The following STK32B variants were observed in gnomAD, a reference collection of about 807,000 sequenced individuals.
STK32B encodes serine/threonine-protein kinase 32B.
In STK32B, 43 loss-of-function variants were observed where a neutral mutation model predicts 52.6. The ratio of observed to expected loss-of-function variants is 0.82; its 90% confidence interval spans 0.64 to 1.05. The LOEUF is 1.05. STK32B is among the 50% of genes least tolerant of loss of function. STK32B has a pLI of 0.00. For missense variants in STK32B, 621 were observed against 534.6 expected, an observed-to-expected ratio of 1.16 and a Z score of -1.59; for synonymous variants, 238 against 204.3, an observed-to-expected ratio of 1.17 and a Z score of -1.41.
intron 3 of STK32B, among the ~76,000 whole-genome samples, chr4:5,174,390 C>G (rs1719650332): frequency 6.6e-6 from 1 of 152,152 alleles, no homozygotes; most frequent in Non-Finnish European, 1.5e-5. Flanking sequence ...CAGTTTCTTC[C>G]TAGCCTCGAT....
intron 4 of STK32B, among the ~76,000 whole-genome samples, chr4:5,375,374 A>G (rs1283828569): frequency 2.0e-5 from 3 of 152,032 alleles, no homozygotes; most frequent in African/African-American, 7.3e-5. Context: ...CCAAACTCCA[A>G]TAATTTGGAT....
chr4:5,077,282 A>T (rs950207844), intron 1 of STK32B, among the ~76,000 whole-genome samples: 2 of 152,150 alleles, frequency 1.3e-5, no homozygotes, highest in African/African-American at 4.8e-5. Flanking sequence ...CAGAAATATT[A>T]TCCCACTACC....
chr4:5,376,619 A>C (rs1332847742), intron 4 of STK32B, among the ~76,000 whole-genome samples: 1 of 152,108 alleles, frequency 6.6e-6, no homozygotes, highest in Non-Finnish European at 1.5e-5. Flanking sequence ...AAACTGTCAG[A>C]AATAGGGTGA....
intron 3 of STK32B, among the ~76,000 whole-genome samples, chr4:5,208,872 G>GA (rs1018870349): frequency 4.7e-4 from 72 of 152,354 alleles, no homozygotes; most frequent in Middle Eastern, 3.4e-3. Flanking sequence ...TCAGATAAAT[G>GA]ATCACGATGC....
chr4:5,161,637 G>A (rs1242847286), intron 2 of STK32B, among the ~76,000 whole-genome samples: 1 of 152,184 alleles, frequency 6.6e-6, no homozygotes, highest in Non-Finnish European at 1.5e-5. Flanking sequence ...GTTGCTGGCT[G>A]TAAGTGTGTA....
At chr4:5,081,296 C>G (rs1218201784) in intron 1 of STK32B, among the ~76,000 whole-genome samples, 1 of 152,048 alleles carries the variant, frequency 6.6e-6, no homozygotes, top group Non-Finnish European at 1.5e-5. Context: ...TCAAAATTAT[C>G]TCTTTGTCTT....
intron 1 of STK32B, among the ~76,000 whole-genome samples, chr4:5,089,690 A>G (rs1712947670): frequency 6.6e-6 from 1 of 152,142 alleles, no homozygotes; most frequent in East Asian, 1.9e-4. Flanking sequence ...TTATAGTACA[A>G]TGATTTATAT....
At chr4:5,081,322 T>C (rs1712414053) in intron 1 of STK32B, among the ~76,000 whole-genome samples, 1 of 152,204 alleles carries the variant, frequency 6.6e-6, no homozygotes. Flanking sequence ...TTTAATAGTT[T>C]GATTGCAATG....
chr4:5,468,069 A>AAG lies in STK32B; in HGVS notation c.1106_1106+1dup. The AAG allele has an allele frequency of 6.2e-7, 1 of 1,614,052 alleles. No individual in the cohort carries two copies. The highest frequency in any genetic ancestry group is 2.2e-5 in the East Asian group (1 of 44,870). On this transcript the variant is annotated frameshift_variant and splice_region_variant, in exon 11 of 12. Coordinates refer to ENST00000282908, the MANE Select transcript of STK32B (RefSeq NM_018401.3). LOFTEE classifies it low-confidence loss of function (END_TRUNC). ...GGAATTCATCATATTCAACAGAGAGAAGTAAGTCCTTCATACTGTCCCCCT... is the reference window on the plus strand; with the variant it reads ...GGAATTCATCATATTCAACAGAGAGAAGAGTAAGTCCTTCATACTGTCCCCCT...
chr4:5,331,640 C>T (rs1732258650), intron 4 of STK32B, among the ~76,000 whole-genome samples: 1 of 152,178 alleles, frequency 6.6e-6, no homozygotes, highest in African/African-American at 2.4e-5. Context: ...CTTATCTTCT[C>T]TGCTCCAGTA....
intron 3 of STK32B, among the ~76,000 whole-genome samples, chr4:5,202,613 C>T (rs1420121512): frequency 6.6e-6 from 1 of 152,232 alleles, no homozygotes; most frequent in Non-Finnish European, 1.5e-5. Context: ...TCTTTCTGGA[C>T]ACCCAGGCAT....
intron 1 of STK32B, among the ~76,000 whole-genome samples, chr4:5,106,069 G>A (rs1577072055): frequency 6.6e-6 from 1 of 151,700 alleles, no homozygotes; most frequent in African/African-American, 2.4e-5. Context: ...TTGGGAGGCC[G>A]AGGCGGGGGG....
At chr4:5,093,921 C>T (rs548243191) in intron 1 of STK32B, among the ~76,000 whole-genome samples, 13 of 152,256 alleles carry the variant, frequency 8.5e-5, no homozygotes, top group African/African-American at 2.6e-4. Context: ...AAAGTCCTGA[C>T]ATTACAAGAA....
chr4:5,315,772 T>G (rs1447971005), intron 3 of STK32B, among the ~76,000 whole-genome samples: 1 of 150,882 alleles, frequency 6.6e-6, no homozygotes, highest in East Asian at 2.0e-4. Flanking sequence ...TGGTGCAATC[T>G]CAGCTCACTG....
chr4:5,164,418 C>T (rs1718704226), intron 2 of STK32B, among the ~76,000 whole-genome samples: 1 of 152,182 alleles, frequency 6.6e-6, no homozygotes, highest in African/African-American at 2.4e-5. Context: ...CGTCCTAATC[C>T]AGGTTGATCT....
intron 11 of STK32B, among the ~76,000 whole-genome samples, chr4:5,472,498 C>G (rs1717921043): frequency 1.3e-5 from 2 of 152,210 alleles, no homozygotes; most frequent in South Asian, 4.1e-4. Flanking sequence ...GCCTTGGCAG[C>G]TGAGACTTCC....
rs559426299 is a variant in STK32B at position 5,090,425 on chromosome 4, G to C, written c.52+38510G>C. Among the ~76,000 whole-genome samples the C allele has an allele frequency of 8.3e-4, 109 of 131,098 alleles. 1 individual carries two copies. The highest frequency in any genetic ancestry group is 4.9e-3 in the Middle Eastern group (1 of 204). The allele number at this position is 131,098 out of a possible 152,430, so 86.0% of individuals were successfully genotyped here. A position where few individuals can be genotyped will look rare whatever the true frequency, so the allele number is the denominator to read the frequency against. Reference sequence around the variant, plus strand: ...GAGTCTCGCTCTGTCACCCAGGCTAGAGTGCAGTGGCACAATCTTGGCTCA... The same window carrying C: ...GAGTCTCGCTCTGTCACCCAGGCTACAGTGCAGTGGCACAATCTTGGCTCA... On this transcript the variant is annotated intron_variant, in intron 1 of 11. Transcript: ENST00000282908.
intron 3 of STK32B, among the ~76,000 whole-genome samples, chr4:5,231,435 A>G (rs1474048243): frequency 6.6e-6 from 1 of 151,988 alleles, no homozygotes; most frequent in African/African-American, 2.4e-5. Flanking sequence ...ACGTGGCAAA[A>G]CCCCATTTCT....
At chr4:5,059,943 T>C (rs1466132246) in intron 1 of STK32B, among the ~76,000 whole-genome samples, 2 of 152,198 alleles carry the variant, frequency 1.3e-5, no homozygotes, top group African/African-American at 2.4e-5. Flanking sequence ...TACCAAACTT[T>C]GGGAGAGTTT....
Sources: gnomAD v4.1 joint callset for allele counts (sites outside exome capture counted in the v4.1 genomes callset) on GRCh38, gnomAD v4.1.1 for gene constraint, MANE v1.5 for transcripts, NCBI Gene and HGNC (gene_info 2026-07-23, HGNC 2026-07-21) for gene names.